Variants in FOCAD observed in about 807,000 individuals in gnomAD.
FOCAD encodes the protein KIAA1797.
FOCAD carries 198 observed loss-of-function variants against 225.6 expected under a neutral mutation model. The ratio of observed to expected loss-of-function variants is 0.88; its 90% CI spans 0.78 to 0.99. FOCAD has a LOEUF of 0.99. Among genes scored for constraint, FOCAD ranks in the 50% least tolerant of loss-of-function variants. FOCAD has a pLI of 0.00. For missense variants in FOCAD, 2,713 were observed against 2,123.6 expected (o/e 1.28, Z -5.46); for synonymous variants, 897 against 755.0 (o/e 1.19, Z -3.08).
At chr9:20,989,977 C>G (rs1443133043) in intron 41 of FOCAD, 146 bp from the exon 42 acceptor site, 38 of 827,802 alleles carry the variant, frequency 4.6e-5, no homozygotes, top group South Asian at 8.4e-5. Context: ...AGTTCAGTTC[C>G]TCTTCTGGGT....
intron 4 of FOCAD, among the ~76,000 whole-genome samples, chr9:20,738,052 A>G (rs1378679778): frequency 6.6e-6 from 1 of 152,230 alleles, no homozygotes; most frequent in East Asian, 1.9e-4. Context: ...TCTCAGTTAC[A>G]AAAAGTTCTG....
intron 20 of FOCAD, among the ~76,000 whole-genome samples, chr9:20,883,127 C>G (rs532954218): frequency 6.6e-6 from 1 of 152,144 alleles, no homozygotes; most frequent in Non-Finnish European, 1.5e-5. Flanking sequence ...CTTTCATATA[C>G]TGCACTAGAC....
intron 21 of FOCAD, among the ~76,000 whole-genome samples, chr9:20,888,140 T>TTC (rs1491544667): frequency 1.8e-3 from 220 of 125,666 alleles, no homozygotes; most frequent in African/African-American, 6.6e-3. Flanking sequence ...TTTTTTCTTC[T>TTC]TTTTTTTTTT....
At chr9:20,792,183 T>C (rs1302076122) in intron 11 of FOCAD, among the ~76,000 whole-genome samples, 11 of 152,312 alleles carry the variant, frequency 7.2e-5, no homozygotes, top group Non-Finnish European at 1.3e-4. Context: ...AAATGTGTTT[T>C]CCTCCTATGT....
intron 11 of FOCAD, among the ~76,000 whole-genome samples, chr9:20,811,856 GTC>G: frequency 6.6e-6 from 1 of 151,926 alleles, no homozygotes; most frequent in African/African-American, 2.4e-5. Context: ...AGTTTTAAAA[GTC>G]TCTTCCAATA....
chr9:20,674,052 T>C lies in FOCAD; in HGVS notation c.-78+15226T>C, dbSNP rs187834782. Among the ~76,000 whole-genome samples the C allele has an allele frequency of 5.3e-5, 8 of 152,304 alleles. No individual in the cohort carries two copies. In the East Asian group the frequency reaches 1.5e-3, roughly 29 times the overall value. On this transcript the variant is annotated intron_variant, in intron 2 of 45. Transcript: ENST00000380249. ...AGAAGCGAGGCACTGGGTCTATCTG[T>C]AGTGGTATGTTGCAGTCAGTTTGTC...
chr9:20,990,756 A>G (rs529903611), intron 42 of FOCAD, among the ~76,000 whole-genome samples: 2 of 152,310 alleles, frequency 1.3e-5, no homozygotes, highest in East Asian at 3.9e-4. Context: ...TAAGTAAGAT[A>G]CAGTGGTGAT....
chr9:20,699,791 T>A (rs1587258277), intron 1 of FOCAD, among the ~76,000 whole-genome samples: 1 of 97,488 alleles, frequency 1.0e-5, no homozygotes, highest in Non-Finnish European at 2.0e-5. Context: ...TATATATATA[T>A]ATATATATAT....
chr9:20,793,946 C>T (rs1371172182), intron 11 of FOCAD, among the ~76,000 whole-genome samples: 1 of 152,144 alleles, frequency 6.6e-6, no homozygotes, highest in African/African-American at 2.4e-5. Flanking sequence ...CATACTTGTA[C>T]CGTGGCCAGA....
chr9:20,903,565 C>T (rs984002832), intron 21 of FOCAD, among the ~76,000 whole-genome samples: 3 of 151,734 alleles, frequency 2.0e-5, no homozygotes, highest in African/African-American at 7.3e-5. Flanking sequence ...TGAACAGTGC[C>T]CTAGAAGGCC....
chr9:20,789,569 C>G lies in FOCAD; in HGVS notation c.1416C>G (p.Leu472=), dbSNP rs35908843. 3 of 1,613,938 alleles carry G rather than the reference C, an allele frequency of 1.9e-6. No individual in the cohort carries two copies. The highest frequency in any genetic ancestry group is 2.2e-5 in the East Asian group (1 of 44,860). The change falls in exon 11 of 44, where the codon CTC becomes CTG. Residue 472 remains leucine, a synonymous_variant. Transcript: ENST00000338382. ...AAGGACAAAATCTTCACCAAATACT[C>G]AAGGTCACTACAGAATTAGCCCAAG... ...EDKGQNLHQI[L]KVTTELAQAD...
chr9:20,853,004 C>G (rs929094107), intron 15 of FOCAD, among the ~76,000 whole-genome samples: 12 of 151,594 alleles, frequency 7.9e-5, no homozygotes, highest in African/African-American at 2.9e-4. Flanking sequence ...AAAAAATTTC[C>G]TCTGATTATT....
chr9:20,964,701 A>G (rs560703763), intron 35 of FOCAD, among the ~76,000 whole-genome samples: 2 of 152,170 alleles, frequency 1.3e-5, no homozygotes, highest in East Asian at 3.9e-4. Context: ...ACGCCCAGCT[A>G]ATTTTTGTAT....
intron 15 of FOCAD, among the ~76,000 whole-genome samples, chr9:20,830,621 A>T (rs918580018): frequency 6.6e-6 from 1 of 152,090 alleles, no homozygotes; most frequent in East Asian, 1.9e-4. Context: ...GTTGAATGAA[A>T]ATATTAGTAA....
At chr9:20,917,465 C>CT (rs1284527844) in intron 24 of FOCAD, among the ~76,000 whole-genome samples, 1 of 152,116 alleles carries the variant, frequency 6.6e-6, no homozygotes, top group Non-Finnish European at 1.5e-5. Flanking sequence ...TGCCTTGATG[C>CT]TTTTTATTTA....
In FOCAD at chr9:20,735,711, C is replaced by T. The variant is rs181029554; in HGVS notation, c.288-4525C>T. On this transcript the variant is annotated intron_variant, in intron 4 of 43. Transcript: ENST00000338382. ...TTTAAGGTTTTTTTTTTTTTTGAAA[C>T]GGGATCTCTCTATATTGCTCAGGCT... Among the ~76,000 whole-genome samples the T allele has an allele frequency of 7.8e-4, 109 of 139,572 alleles. 2 individuals are homozygous for T. The Middle Eastern group carries it at 0.012, about 15-fold the overall frequency. 91.6% of individuals were successfully genotyped at this position (139,572 alleles called of 152,430 possible). A position where few individuals can be genotyped will look rare whatever the true frequency, so the allele number is the denominator to read the frequency against.
chr9:20,769,205 C>G (rs1388627380), intron 7 of FOCAD, among the ~76,000 whole-genome samples: 1 of 152,058 alleles, frequency 6.6e-6, no homozygotes, highest in Non-Finnish European at 1.5e-5. Flanking sequence ...TGTTTGCTAG[C>G]AACTAATTTT....
rs565674186 is a variant in FOCAD at position 20,942,204 on chromosome 9, TGCTC to T, written c.3408-2422_3408-2419del. On this transcript the variant is annotated intron_variant, in intron 28 of 43. Transcript: ENST00000338382. ...TAGAATCGCTAGTGAATTATAACGTTGCTCAGGTTATAGTAATAATTGCTATGAT... is the reference window on the plus strand; with the variant it reads ...TAGAATCGCTAGTGAATTATAACGTTAGGTTATAGTAATAATTGCTATGAT... Among the ~76,000 whole-genome samples, 16 of 152,344 alleles carry T rather than the reference TGCTC, an allele frequency of 1.1e-4. 1 individual carries two copies. The South Asian group carries it at 3.3e-3, about 32-fold the overall frequency.
chr9:20,949,577 G>GCGGCC, intron 32 of FOCAD, 27 bp from the exon 33 acceptor site: 1 of 1,339,296 alleles, frequency 7.5e-7, no homozygotes, highest in Non-Finnish European at 1.0e-6. Context: ...GGGTGGGTGG[G>GCGGCC]ATGGGTATTT....
Sources: gnomAD v4.1 joint callset for allele counts (sites outside exome capture counted in the v4.1 genomes callset) on GRCh38, gnomAD v4.1.1 for gene constraint, MANE v1.5 for transcripts, NCBI Gene and HGNC (gene_info 2026-07-23, HGNC 2026-07-21) for gene names.